Variants in ACVR1B observed in about 807,000 individuals in gnomAD.
ACVR1B encodes activin A receptor type 1B.
ACVR1B carries 15 observed loss-of-function variants against 55.6 expected under a neutral mutation model. That is an observed-to-expected ratio of 0.27 (90% confidence interval 0.18 to 0.42). ACVR1B has a LOEUF of 0.42. Ranked by LOEUF, ACVR1B falls within the 10% of genes least tolerant of loss-of-function variation. ACVR1B has a pLI of 1.00. For missense variants in ACVR1B, 359 were observed against 670.1 expected (o/e 0.54, Z 5.13); for synonymous variants, 247 against 254.6 (o/e 0.97, Z 0.28).
chr12:51,952,107 C>A (rs1379321445), intron 1 of ACVR1B, among the ~76,000 whole-genome samples: 1 of 152,104 alleles, frequency 6.6e-6, no homozygotes, highest in African/African-American at 2.4e-5. Flanking sequence ...GGGTCGCGCT[C>A]CCAGCGCCCT....
intron 1 of ACVR1B, chr12:51,960,057 A>T (rs938007296): frequency 1.3e-5 from 2 of 152,208 alleles, no homozygotes; most frequent in African/African-American, 2.4e-5. Flanking sequence ...GATATCCAGG[A>T]TGTGCCTAGC....
chr12:51,982,695 C>A, intron 4 of ACVR1B: 1 of 1,530,792 alleles, frequency 6.5e-7, no homozygotes, highest in South Asian at 1.2e-5. Context: ...GCAGACTGCT[C>A]ATTCCTCACA....
chr12:51,952,893 C>G (rs189249705), intron 1 of ACVR1B, among the ~76,000 whole-genome samples: 2 of 150,902 alleles, frequency 1.3e-5, no homozygotes, highest in Middle Eastern at 3.4e-3. Context: ...ACTCTCCTCT[C>G]TGTAGAAGCG....
intron 6 of ACVR1B, among the ~76,000 whole-genome samples, chr12:51,986,596 A>G (rs7979068): frequency 0.025 from 3,873 of 152,316 alleles, 168 homozygotes; most frequent in African/African-American, 0.09. Flanking sequence ...ATAGAGATAC[A>G]CATCAGAGTA....
chr12:51,961,252 G>A (rs1006823691), intron 1 of ACVR1B, among the ~76,000 whole-genome samples: 9 of 152,160 alleles, frequency 5.9e-5, no homozygotes, highest in Non-Finnish European at 1.0e-4. Context: ...TATGGCTTCG[G>A]CCTGCACAGA....
At chr12:51,978,476 T>C (rs1052502735) in intron 3 of ACVR1B, among the ~76,000 whole-genome samples, 1 of 152,212 alleles carries the variant, frequency 6.6e-6, no homozygotes, top group African/African-American at 2.4e-5. Flanking sequence ...GACTTTCAAT[T>C]CATTTAAATA....
chr12:51,977,415 A>G (rs1280015466), intron 3 of ACVR1B, among the ~76,000 whole-genome samples: 1 of 152,108 alleles, frequency 6.6e-6, no homozygotes, highest in Non-Finnish European at 1.5e-5. Context: ...CTCCTGCCTC[A>G]GCCTCCTGAG....
chr12:51,963,033 CTG>C lies in ACVR1B; in HGVS notation c.91+11201_91+11202del, dbSNP rs1415706357. On this transcript the variant is annotated intron_variant, in intron 1 of 8. Coordinates refer to ENST00000257963, the MANE Select transcript of ACVR1B (RefSeq NM_004302.5). The stretch of plus-strand genomic sequence containing the variant: ...CAGGAAGAAGATAGTTTGAAAAACA[CTG>C]TAGTTTTTTTTTGTTTTTGTTATTG... Among the ~76,000 whole-genome samples, 5 of 152,128 alleles carry C rather than the reference CTG, an allele frequency of 3.3e-5. No individual in the cohort carries two copies. In the South Asian group the frequency reaches 8.3e-4, roughly 25 times the overall value.
At chr12:51,984,442 G>A (rs1357218803) in intron 5 of ACVR1B, among the ~76,000 whole-genome samples, 1 of 152,100 alleles carries the variant, frequency 6.6e-6, no homozygotes, top group Admixed American at 6.5e-5. Flanking sequence ...CATTTGTTAC[G>A]AAGGAGTAAT....
intron 2 of ACVR1B, among the ~76,000 whole-genome samples, chr12:51,976,117 CTG>C (rs1339333427): frequency 1.5e-4 from 23 of 151,994 alleles, no homozygotes; most frequent in Admixed American, 1.5e-3. Flanking sequence ...GTGGGTTTGA[CTG>C]TGGAAAGAGG....
intron 1 of ACVR1B, among the ~76,000 whole-genome samples, chr12:51,973,299 C>T (rs1314250805): frequency 6.6e-6 from 1 of 152,202 alleles, no homozygotes; most frequent in African/African-American, 2.4e-5. Context: ...TGTTACTTTT[C>T]CCTTCTTGCT....
chr12:51,964,799 C>G (rs1448776539), intron 1 of ACVR1B, among the ~76,000 whole-genome samples: 1 of 152,130 alleles, frequency 6.6e-6, no homozygotes, highest in Non-Finnish European at 1.5e-5. Context: ...TCTGGATTCT[C>G]AATTCGGTTC....
Position 51,991,936 on chromosome 12 carries a change from G to A in ACVR1B, c.1335G>A (p.Lys445=), listed in dbSNP as rs1942200950. 2.5e-6 allele frequency: 4 copies of A among 1,614,208 alleles called. No individual in the cohort carries two copies. Among genetic ancestry groups the A allele is most frequent in the Non-Finnish European group, 3.4e-6 (4 of 1,180,038 alleles). Residue 445 remains lysine (K), a synonymous_variant, in exon 8 of 9, where the codon AAG becomes AAA. Transcript: ENST00000257963. The part of the protein sequence containing the change: ...PSDPSIEEMR[K]VVCDQKLRPN... The stretch of plus-strand genomic sequence containing the variant: ...ACCCTTCCATTGAGGAAATGCGAAA[G>A]GTTGTATGTGATCAGAAGCTGCGTC...
chr12:51,984,266 G>T, intron 5 of ACVR1B, 100 bp downstream of exon 5: 1 of 1,383,750 alleles, frequency 7.2e-7, no homozygotes, highest in East Asian at 2.4e-5. Context: ...AGGAAGTTGG[G>T]GCTGGACCTC....
At chr12:51,987,715 G>A (rs2641515) in intron 7 of ACVR1B, 2 of 153,108 alleles carry the variant, frequency 1.3e-5, no homozygotes, top group Non-Finnish European at 2.9e-5. Context: ...GGTTAGCATG[G>A]CCCCTGCACA....
chr12:51,972,561 C>A (rs1941766563), intron 1 of ACVR1B, among the ~76,000 whole-genome samples: 1 of 152,160 alleles, frequency 6.6e-6, no homozygotes, highest in Non-Finnish European at 1.5e-5. Flanking sequence ...AACAAAATTG[C>A]CTAACGCTGC....
chr12:51,965,565 G>A (rs542154891), intron 1 of ACVR1B, among the ~76,000 whole-genome samples: 111 of 152,290 alleles, frequency 7.3e-4, no homozygotes, highest in African/African-American at 2.6e-3. Flanking sequence ...CCTGTGGGGA[G>A]GATGCGGCTG....
chr12:51,984,808 C>T (rs1437890521), intron 5 of ACVR1B, among the ~76,000 whole-genome samples: 2 of 152,236 alleles, frequency 1.3e-5, no homozygotes, highest in Non-Finnish European at 2.9e-5. Flanking sequence ...CATCATCGGG[C>T]CTGTTTCCTT....
At chr12:51,993,315 T>C (rs886809239) in intron 8 of ACVR1B, among the ~76,000 whole-genome samples, 6 of 152,236 alleles carry the variant, frequency 3.9e-5, no homozygotes, top group Admixed American at 1.3e-4. Flanking sequence ...CAGAATTGCA[T>C]ATTAGCTGAT....
Sources: allele counts gnomAD v4.1 joint callset (sites outside exome capture counted in the v4.1 genomes callset), GRCh38; gene constraint gnomAD v4.1.1; transcripts MANE v1.5; gene names NCBI Gene and HGNC (gene_info 2026-07-23, HGNC 2026-07-21).